ZBTB37: variants seen among roughly 807,000 people sequenced by gnomAD.
The protein encoded by ZBTB37 is zinc finger and BTB domain containing 37.
In ZBTB37, 15 loss-of-function variants were observed where a neutral mutation model predicts 37.7. That is an observed-to-expected ratio of 0.40 (90% CI 0.27 to 0.61). The LOEUF (loss-of-function observed/expected upper bound fraction) is 0.61, where lower values mean the gene tolerates loss of function less well. Ranked by LOEUF, ZBTB37 falls within the 20% of genes least tolerant of loss-of-function variation. The pLI is 0.44. For synonymous variants in ZBTB37, 231 were observed against 220.6 expected (o/e 1.05, Z -0.42); for missense variants, 514 against 641.9 (o/e 0.80, Z 2.15).
chr1:173,889,751 C>T (rs767105274), downstream of ZBTB37: 2 of 152,130 alleles, frequency 1.3e-5, no homozygotes, highest in African/African-American at 4.8e-5. Context: ...TGCAAACTAC[C>T]CCATGCCATT....
intron 4 of ZBTB37, among the ~76,000 whole-genome samples, chr1:173,881,664 G>A (rs1426166125): frequency 1.3e-5 from 2 of 152,132 alleles, no homozygotes; most frequent in East Asian, 3.8e-4. Context: ...GTGTGAGATG[G>A]TATCTCATTG....
At chr1:173,887,668 T>C (rs1656683659), downstream of ZBTB37, 1 of 152,164 alleles carries the variant, frequency 6.6e-6, no homozygotes, top group South Asian at 2.1e-4. Context: ...ACAGTGCAAG[T>C]TGAAAAATCT....
At chr1:173,895,742 C>G (rs9425433) in exon 4 of ZBTB37, 4 of 152,036 alleles carry the variant, frequency 2.6e-5, no homozygotes, top group Admixed American at 2.0e-4. Flanking sequence ...ACCAGCCTCT[C>G]TCATTTAAAA....
chr1:173,874,542 G>A (rs1207880607), intron 4 of ZBTB37, among the ~76,000 whole-genome samples: 1 of 151,924 alleles, frequency 6.6e-6, no homozygotes, highest in Non-Finnish European at 1.5e-5. Context: ...GAGTAGAGAC[G>A]GGGTTTCACC....
chr1:173,873,772 A>G (rs1655726674), intron 4 of ZBTB37: 7 of 712,602 alleles, frequency 9.8e-6, no homozygotes, highest in Non-Finnish European at 1.2e-5. Flanking sequence ...GCAGACTGGT[A>G]TTTCTACCAA....
exon 3 of ZBTB37, chr1:173,871,100 G>A: frequency 6.2e-7 from 1 of 1,613,196 alleles, no homozygotes; most frequent in Non-Finnish European, 8.5e-7. Context: ...TATACTTTAG[G>A]GTCTTCAGGA....
chr1:173,874,932 G>A lies in ZBTB37; in HGVS notation c.1023+1366G>A, dbSNP rs146265956. 2.4e-4 allele frequency among the ~76,000 whole-genome samples: 36 copies of A among 151,924 alleles called. No individual in the cohort carries two copies. The East Asian group carries it at 5.6e-3, about 24-fold the overall frequency. On this transcript the variant is annotated intron_variant, in intron 4 of 4. Transcript: ENST00000427304. ...TTTTTTAAAATTCTTGCTTGTGGGC[G>A]TGCAGGAAAATACACTTTCGATGTC...
chr1:173,869,264 A>G (rs1029432653), intron 2 of ZBTB37, 144 bp downstream of exon 2: 5 of 152,252 alleles, frequency 3.3e-5, no homozygotes, highest in African/African-American at 1.2e-4. Context: ...TAATATATAG[A>G]TAAGTGAACG....
At chr1:173,894,481 G>C (rs1231608272) in exon 4 of ZBTB37, 1 of 152,134 alleles carries the variant, frequency 6.6e-6, no homozygotes, top group Non-Finnish European at 1.5e-5. Flanking sequence ...GGACTCAGCA[G>C]GTCTCCTCTT....
chr1:173,900,645 C>A (rs1657219592), exon 4 of ZBTB37: 1 of 152,144 alleles, frequency 6.6e-6, no homozygotes, highest in Non-Finnish European at 1.5e-5. Context: ...GTGATATGTG[C>A]AAGGAGAAAA....
In ZBTB37 at chr1:173,868,370, G is replaced by GTTCCGGCCCA. The variant is rs1655148640; in HGVS notation, c.-248_-239dup. 6.5e-6 allele frequency: 1 copy of GTTCCGGCCCA among 153,870 alleles called. No homozygotes were observed. The highest frequency in any genetic ancestry group is 3.3e-3 in the Middle Eastern group (1 of 300). The allele number at this position is 153,870 out of a possible 1,614,324, so 9.5% of individuals were successfully genotyped here. On this transcript the variant is annotated 5_prime_UTR_variant, in exon 1 of 5. Coordinates refer to ENST00000427304, the Ensembl canonical transcript of ZBTB37. ...TGGGGGATTTCACTTCCGGGACGGT[G>GTTCCGGCCCA]TTCCGGCCCATTCCGGCCCATTTCC...
chr1:173,877,733 G>C (rs966623670), intron 4 of ZBTB37, among the ~76,000 whole-genome samples: 2 of 151,920 alleles, frequency 1.3e-5, no homozygotes, highest in African/African-American at 4.8e-5. Context: ...TCAAGGATAG[G>C]GTAATATATA....
At chr1:173,872,602 G>A (rs917876885) in intron 3 of ZBTB37, among the ~76,000 whole-genome samples, 3 of 151,994 alleles carry the variant, frequency 2.0e-5, no homozygotes, top group African/African-American at 4.8e-5. Flanking sequence ...AGAAGTTCTC[G>A]GGTGATGGGT....
chr1:173,883,330 A>G (rs954074104), intron 4 of ZBTB37, among the ~76,000 whole-genome samples: 9 of 152,134 alleles, frequency 5.9e-5, no homozygotes, highest in African/African-American at 2.2e-4. Flanking sequence ...AATACAAAAA[A>G]TTAGCCAGGC....
rs571665519 is a variant in ZBTB37, at chr1:173,899,220, A to T, written c.*13096A>T. The T allele has an allele frequency of 2.2e-3, 331 of 152,074 alleles. 2 individuals are homozygous for T. The highest frequency in any genetic ancestry group is 7.5e-3 in the African/African-American group (311 of 41,466). 9.4% of individuals were successfully genotyped at this position (152,074 alleles called of 1,614,324 possible). A position where few individuals can be genotyped will look rare whatever the true frequency, so the allele number is the denominator to read the frequency against. On this transcript the variant is annotated 3_prime_UTR_variant, in exon 4 of 4. Coordinates refer to the ZBTB37 transcript ENST00000367701. ...ATTTTTTTTTTTCTACCTGTAGCAT[A>T]GTTCTCTGCCTATAAGCCATGCTAA...
chr1:173,874,596 C>T (rs1655815119), intron 4 of ZBTB37, among the ~76,000 whole-genome samples: 1 of 152,192 alleles, frequency 6.6e-6, no homozygotes, highest in Non-Finnish European at 1.5e-5. Context: ...CATGATCCGC[C>T]TGCCTCGGCC....
chr1:173,870,178 A>G (rs758007846), intron 2 of ZBTB37, 22 bp from the exon 3 acceptor site: 19 of 1,442,554 alleles, frequency 1.3e-5, no homozygotes, highest in Non-Finnish European at 1.6e-5. Flanking sequence ...ATTAATGAGA[A>G]TATGGTTTCT....
chr1:173,892,259 A>G (rs1051875673), exon 4 of ZBTB37: 9 of 152,318 alleles, frequency 5.9e-5, no homozygotes, highest in African/African-American at 2.2e-4. Context: ...GGTCTTGGTA[A>G]TAGATGTCAA....
chr1:173,879,304 G>T (rs949560276), intron 4 of ZBTB37, among the ~76,000 whole-genome samples: 2 of 152,118 alleles, frequency 1.3e-5, no homozygotes, highest in African/African-American at 4.8e-5. Flanking sequence ...AGGGATGGGG[G>T]TTTCCTAGCT....
Sources: gnomAD v4.1 joint callset for allele counts (sites outside exome capture counted in the v4.1 genomes callset) on GRCh38, gnomAD v4.1.1 for gene constraint, MANE v1.5 for transcripts, NCBI Gene and HGNC (gene_info 2026-07-23, HGNC 2026-07-21) for gene names.